Variants in RHOBTB3 observed in about 807,000 individuals in gnomAD.
The protein encoded by RHOBTB3 is rho-related BTB domain-containing protein 3.
A neutral mutation model predicts 67.2 loss-of-function variants in RHOBTB3; 47 were observed. The ratio of observed to expected loss-of-function variants is 0.70; its 90% CI spans 0.55 to 0.89. The LOEUF (loss-of-function observed/expected upper bound fraction) is 0.89. Among genes scored for constraint, RHOBTB3 ranks in the 40% least tolerant of loss-of-function variants. The pLI, the probability that RHOBTB3 is intolerant of heterozygous loss-of-function variation, is 0.00. For missense variants in RHOBTB3, 631 were observed against 750.0 expected (o/e 0.84, Z 1.85); for synonymous variants, 273 against 274.2 (o/e 1.00, Z 0.04).
intron 8 of RHOBTB3, among the ~76,000 whole-genome samples, chr5:95,774,399 C>T (rs1745808486): frequency 6.6e-6 from 1 of 152,080 alleles, no homozygotes; most frequent in South Asian, 2.1e-4. Context: ...TATTTTTAAA[C>T]TTATGTCTTA....
At chr5:95,748,189 A>G in intron 3 of RHOBTB3, 144 bp from the exon 4 acceptor site, 1 of 432,016 alleles carries the variant, frequency 2.3e-6, no homozygotes. Flanking sequence ...TTGTATTCAG[A>G]GTTTAGTGGG....
At chr5:95,720,384 C>T (rs191666204) in intron 1 of RHOBTB3, among the ~76,000 whole-genome samples, 4 of 152,282 alleles carry the variant, frequency 2.6e-5, no homozygotes, top group Admixed American at 1.3e-4. Context: ...ATTAGCAAAA[C>T]GTTGTTGTAA....
intron 11 of RHOBTB3, among the ~76,000 whole-genome samples, chr5:95,791,507 T>C (rs1184484720): frequency 1.3e-5 from 2 of 152,228 alleles, no homozygotes; most frequent in African/African-American, 2.4e-5. Context: ...AGTAGTCTCA[T>C]GTCACCTTTG....
chr5:95,745,711 A>T (rs183720437), intron 3 of RHOBTB3, among the ~76,000 whole-genome samples: 1 of 152,180 alleles, frequency 6.6e-6, no homozygotes, highest in Non-Finnish European at 1.5e-5. Flanking sequence ...AAAGACTATA[A>T]TGTTAGCTAG....
chr5:95,732,081 C>T lies in RHOBTB3; in HGVS notation c.225C>T (p.Val75=), dbSNP rs775520161. The change falls in exon 2 of 12, where the codon GTC becomes GTT. Residue 75 remains valine, a synonymous_variant. Coordinates refer to ENST00000379982, the MANE Select transcript of RHOBTB3 (RefSeq NM_014899.4). ...NVKLVVHDCP[V]WDIFDSDWYT... is the part of the protein sequence containing the mutation. ...AGCTGGTGGTCCACGACTGTCCCGT[C>T]TGGGTAAGGAAGAGCAGCTGCTCCG... 6.2e-7 allele frequency: 1 copy of T among 1,613,852 alleles called. No individual in the cohort carries two copies. Among genetic ancestry groups the T allele is most frequent in the African/African-American group, 1.3e-5 (1 of 74,932 alleles).
chr5:95,773,023 A>T (rs1745761384), intron 8 of RHOBTB3, among the ~76,000 whole-genome samples: 1 of 152,236 alleles, frequency 6.6e-6, no homozygotes, highest in African/African-American at 2.4e-5. Flanking sequence ...AATAGCTACC[A>T]AATTTGCTTA....
intron 11 of RHOBTB3, chr5:95,789,072 T>C (rs1746302080): frequency 2.3e-6 from 1 of 443,262 alleles, no homozygotes; most frequent in South Asian, 3.4e-5. Flanking sequence ...AGTTTTCTAA[T>C]GATTATTTTA....
intron 11 of RHOBTB3, 34 bp downstream of exon 11, chr5:95,788,892 T>C: frequency 7.9e-7 from 1 of 1,263,610 alleles, no homozygotes; most frequent in South Asian, 1.4e-5. Context: ...AAAAGAAAAC[T>C]TTATGTTCTT....
chr5:95,758,930 C>T (rs1745319984), intron 6 of RHOBTB3, among the ~76,000 whole-genome samples: 5 of 152,158 alleles, frequency 3.3e-5, no homozygotes, highest in Admixed American at 3.3e-4. Context: ...AGTGCAGAGG[C>T]CCAGGAAGGC....
intron 8 of RHOBTB3, 70 bp downstream of exon 8, chr5:95,768,236 C>A: frequency 6.8e-7 from 1 of 1,466,648 alleles, no homozygotes; most frequent in Non-Finnish European, 9.4e-7. Context: ...CTTTCTACTT[C>A]AGGTTTGAAT....
At position 95,720,258 on chromosome 5, in the gene RHOBTB3, G is replaced by A. The variant is rs766683043; in HGVS notation, n.133+2493G>A. On this transcript the variant is annotated intron_variant and non_coding_transcript_variant, in intron 1 of 5. Coordinates refer to the RHOBTB3 transcript ENST00000504949. Reference sequence around the variant, plus strand: ...GGCAATGTCATCCTGAGGCCAGCCTGAGCAGCCCAGCTGGCCTCTCCCCAT... The same window carrying A: ...GGCAATGTCATCCTGAGGCCAGCCTAAGCAGCCCAGCTGGCCTCTCCCCAT... Among the ~76,000 whole-genome samples, 158 of 152,200 alleles carry A rather than the reference G, an allele frequency of 1.0e-3. 1 individual carries two copies. The highest frequency in any genetic ancestry group is 2.0e-3 in the Non-Finnish European group (137 of 68,042).
intron 4 of RHOBTB3, 36 bp from the exon 5 acceptor site, chr5:95,752,203 G>T (rs775202999): frequency 7.9e-7 from 1 of 1,258,188 alleles, no homozygotes; most frequent in Non-Finnish European, 1.1e-6. Flanking sequence ...ATATAGTTTT[G>T]TTGGATCTTC....
At chr5:95,756,712 TG>T (rs1433068106) in intron 6 of RHOBTB3, among the ~76,000 whole-genome samples, 1 of 152,178 alleles carries the variant, frequency 6.6e-6, no homozygotes, top group Non-Finnish European at 1.5e-5. Context: ...GGGTTTGATG[TG>T]GTATCTAATT....
At chr5:95,788,912 A>G in intron 11 of RHOBTB3, 54 bp downstream of exon 11, 1 of 1,098,610 alleles carries the variant, frequency 9.1e-7, no homozygotes, top group Non-Finnish European at 1.3e-6. Flanking sequence ...TTGTTCTTAG[A>G]TTTGAGACAT....
intron 1 of RHOBTB3, among the ~76,000 whole-genome samples, chr5:95,725,694 T>C (rs1248096190): frequency 6.6e-6 from 1 of 152,262 alleles, no homozygotes; most frequent in East Asian, 1.9e-4. Context: ...TATAACCTCT[T>C]ACAGTGCTGT....
chr5:95,792,034 A>G (rs560345811), intron 11 of RHOBTB3, among the ~76,000 whole-genome samples: 1 of 152,308 alleles, frequency 6.6e-6, no homozygotes, highest in South Asian at 2.1e-4. Context: ...TAGAGAATGA[A>G]CAAAGCGAAG....
intron 6 of RHOBTB3, among the ~76,000 whole-genome samples, chr5:95,762,095 G>C (rs188965021): frequency 2.0e-5 from 3 of 152,200 alleles, no homozygotes; most frequent in African/African-American, 7.2e-5. Context: ...GCTGGCACCA[G>C]CTTGTGAGAG....
At chr5:95,752,551 C>T (rs751869740) in intron 5 of RHOBTB3, among the ~76,000 whole-genome samples, 1 of 152,234 alleles carries the variant, frequency 6.6e-6, no homozygotes, top group Non-Finnish European at 1.5e-5. Flanking sequence ...ACTTGAATCA[C>T]ATTTTGAGAA....
chr5:95,771,058 T>C (rs1478290882), intron 8 of RHOBTB3, among the ~76,000 whole-genome samples: 1 of 152,234 alleles, frequency 6.6e-6, no homozygotes, highest in Non-Finnish European at 1.5e-5. Context: ...ATTTTAGTGC[T>C]TGCTAACAGC....
Sources: allele counts gnomAD v4.1 joint callset (sites outside exome capture counted in the v4.1 genomes callset), GRCh38; gene constraint gnomAD v4.1.1; transcripts MANE v1.5; gene names NCBI Gene and HGNC (gene_info 2026-07-23, HGNC 2026-07-21).